The following POU6F2 variants were observed in gnomAD, a reference collection of about 807,000 sequenced individuals.
POU6F2 encodes the protein POU class 6 homeobox 2.
A neutral mutation model predicts 71.3 loss-of-function variants in POU6F2; 31 were observed. The observed-to-expected ratio is 0.43, with a 90% CI of 0.33 to 0.59. The LOEUF is 0.59. Ranked by LOEUF, POU6F2 falls within the 20% of genes least tolerant of loss-of-function variation. POU6F2 has a pLI of 0.04. For missense variants in POU6F2, 783 were observed against 856.8 expected (o/e 0.91, Z 1.07); for synonymous variants, 347 against 355.7 (o/e 0.98, Z 0.27).
chr7:39,041,860 C>G, intron 1 of POU6F2, among the ~76,000 whole-genome samples: 1 of 151,922 alleles, frequency 6.6e-6, no homozygotes, highest in East Asian at 1.9e-4. Context: ...CATTCCCACC[C>G]AAAGACCCAA....
At chr7:39,087,152 A>AT (rs1275569453) in intron 2 of POU6F2, among the ~76,000 whole-genome samples, 17 of 54,206 alleles carry the variant, frequency 3.1e-4, no homozygotes, top group South Asian at 1.4e-3. Context: ...TTATTAATTA[A>AT]TTAATTAATT....
At chr7:39,431,230 A>T (rs1188964337) in intron 6 of POU6F2, among the ~76,000 whole-genome samples, 1 of 152,148 alleles carries the variant, frequency 6.6e-6, no homozygotes, top group South Asian at 2.1e-4. Context: ...ATTGGCCTCC[A>T]TTGACAAATG....
intron 9 of POU6F2, among the ~76,000 whole-genome samples, chr7:39,463,473 A>G (rs564676554): frequency 1.1e-4 from 17 of 152,308 alleles, no homozygotes; most frequent in African/African-American, 4.1e-4. Flanking sequence ...GGTGTTTTAT[A>G]GTAATTACAA....
Position 39,207,581 on chromosome 7 carries a change from G to C in POU6F2, c.559G>C (p.Ala187Pro). The change falls in exon 4 of 10, where the codon GCC becomes CCC. Residue 187 changes from alanine to proline, a missense_variant. Coordinates refer to ENST00000518318, the MANE Select transcript of POU6F2 (RefSeq NM_001370959.1). ...CCAAGGGCTGGTGGCAGCAGCTGCA[G>C]CCGGAGGCATTATGACTCTGCCACT... is the stretch of plus-strand genomic sequence containing the variant. ...NIQGLVAAAA[A>P]GGIMTLPLQN... 1.2e-6 allele frequency: 2 copies of C among 1,614,002 alleles called. No homozygotes were observed. The highest frequency in any genetic ancestry group is 1.7e-6 in the Non-Finnish European group (2 of 1,179,866).
At chr7:39,398,572 G>A (rs763487325) in intron 5 of POU6F2, among the ~76,000 whole-genome samples, 6 of 144,532 alleles carry the variant, frequency 4.2e-5, no homozygotes, top group Non-Finnish European at 6.0e-5. Flanking sequence ...TAAAAGAAAG[G>A]GAATGCTATG....
chr7:39,249,421 C>A (rs1313540105), intron 4 of POU6F2, among the ~76,000 whole-genome samples: 1 of 152,160 alleles, frequency 6.6e-6, no homozygotes, highest in Admixed American at 6.5e-5. Context: ...TCTCTTAAAA[C>A]GTACAGCACC....
intron 2 of POU6F2, among the ~76,000 whole-genome samples, chr7:39,173,097 T>A (rs1199078899): frequency 6.6e-6 from 1 of 152,230 alleles, no homozygotes; most frequent in Admixed American, 6.5e-5. Context: ...CAAAAGATTA[T>A]CATTTCAATC....
At chr7:39,215,001 T>A (rs1025907015) in intron 4 of POU6F2, among the ~76,000 whole-genome samples, 2 of 152,354 alleles carry the variant, frequency 1.3e-5, no homozygotes, top group Non-Finnish European at 2.9e-5. Flanking sequence ...TTGCATTTAC[T>A]TACTTATGCC....
intron 5 of POU6F2, among the ~76,000 whole-genome samples, chr7:39,369,542 T>C (rs1373128989): frequency 6.6e-6 from 1 of 151,830 alleles, no homozygotes. Flanking sequence ...TTTTTGTATT[T>C]TTGTAGAGAC....
intron 6 of POU6F2, among the ~76,000 whole-genome samples, chr7:39,412,778 CTTTTTTTTTTTTTTTTTTTTTTTTTT>C (rs1166811956): frequency 8.6e-4 from 20 of 23,190 alleles, no homozygotes; most frequent in South Asian, 2.7e-3. Context: ...GTTTTCTTGC[CTTTTTTTTTTTTTTTTTTTTTTTTTT>C]TTTTTTTTTT....
In POU6F2 at chr7:39,433,025, A is replaced by G. The variant is rs1483251163; in HGVS notation, c.1114-52A>G. 9 of 1,588,630 alleles carry G rather than the reference A, an allele frequency of 5.7e-6. No homozygotes were observed. The East Asian group carries it at 2.0e-4, about 36-fold the overall frequency. On this transcript the variant is annotated intron_variant, in intron 6 of 9. Transcript: ENST00000518318. ...CAGGCACTGCATGGTCTTCAGTTGC[A>G]TGCACAGACCCTTCACCGAGCCAGC...
chr7:39,413,933 C>T (rs1214843361), intron 6 of POU6F2, among the ~76,000 whole-genome samples: 1 of 152,170 alleles, frequency 6.6e-6, no homozygotes, highest in Non-Finnish European at 1.5e-5. Context: ...GGGAAAATAA[C>T]GAGCCCCTCA....
At chr7:39,035,992 A>T (rs1467342068) in intron 1 of POU6F2, among the ~76,000 whole-genome samples, 1 of 152,066 alleles carries the variant, frequency 6.6e-6, no homozygotes, top group Non-Finnish European at 1.5e-5. Flanking sequence ...TTGTACAGAG[A>T]TCTAAATTTA....
At chr7:39,173,125 T>G (rs1358524939) in intron 2 of POU6F2, among the ~76,000 whole-genome samples, 1 of 152,226 alleles carries the variant, frequency 6.6e-6, no homozygotes, top group African/African-American at 2.4e-5. Flanking sequence ...ATATAAAAAT[T>G]ACTAATGAGA....
At chr7:39,022,208 G>C (rs80177714) in intron 1 of POU6F2, among the ~76,000 whole-genome samples, 1,613 of 151,956 alleles carry the variant, frequency 0.011, 31 homozygotes, top group African/African-American at 0.036. Flanking sequence ...TAGTTAACTA[G>C]TTTGTCTTAT....
In POU6F2 at chr7:39,464,096, T is replaced by A. The variant is rs1789011372; in HGVS notation, c.1659-86T>A. 3 of 1,510,578 alleles carry A rather than the reference T, an allele frequency of 2.0e-6. No homozygotes were observed. In the East Asian group the frequency reaches 6.8e-5, roughly 34 times the overall value. 93.6% of individuals were successfully genotyped at this position (1,510,578 alleles called of 1,614,324 possible). A position where few individuals can be genotyped will look rare whatever the true frequency, so the allele number is the denominator to read the frequency against. ...CTATTAACCTGCAGTAAATTCGCCC[T>A]GCCAGGCAGTCAGGCAGGCAGGCAG... On this transcript the variant is annotated intron_variant, in intron 9 of 9. Transcript: ENST00000518318. This position sits in a 1 kb window ranked among gnomAD's most constrained non-coding sequence, Gnocchi z 4.1.
intron 1 of POU6F2, among the ~76,000 whole-genome samples, chr7:39,069,917 C>T (rs1584527019): frequency 6.6e-6 from 1 of 152,268 alleles, no homozygotes; most frequent in Middle Eastern, 3.4e-3. Context: ...CCTTGTGGTG[C>T]AGACCTGTGT....
At chr7:39,001,696 G>A (rs1162041236) in intron 1 of POU6F2, among the ~76,000 whole-genome samples, 1 of 151,870 alleles carries the variant, frequency 6.6e-6, no homozygotes, top group Non-Finnish European at 1.5e-5. Context: ...GTGATATGAT[G>A]TTGATGGTGA....
At chr7:39,060,072 G>A (rs757863287) in intron 1 of POU6F2, among the ~76,000 whole-genome samples, 1 of 152,166 alleles carries the variant, frequency 6.6e-6, no homozygotes, top group African/African-American at 2.4e-5. Context: ...GCCGGGCGCG[G>A]TGGCGGGTGC....
Sources: gnomAD v4.1 joint callset for allele counts (sites outside exome capture counted in the v4.1 genomes callset) on GRCh38, gnomAD v4.1.1 for gene constraint, Gnocchi (gnomAD v3.1) non-coding constraint, MANE v1.5 for transcripts, NCBI Gene and HGNC (gene_info 2026-07-23, HGNC 2026-07-21) for gene names.